Variants in UBXN4 observed in about 807,000 individuals in gnomAD.
UBXN4 encodes the protein UBX domain-containing protein 4.
A neutral mutation model predicts 66.2 loss-of-function variants in UBXN4; 35 were observed. The ratio of observed to expected loss-of-function variants is 0.53; its 90% CI spans 0.40 to 0.70. UBXN4 has a LOEUF of 0.70. UBXN4 is among the 30% of genes least tolerant of loss of function. The probability of loss-of-function intolerance (pLI) is 0.00; values close to 1 mark genes in which losing one functional copy is unlikely to be tolerated. For missense variants in UBXN4, 533 were observed against 599.8 expected (o/e 0.89, Z 1.16); for synonymous variants, 203 against 204.5 (o/e 0.99, Z 0.06).
chr2:135,779,902 AATAT>A (rs200943146), intron 11 of UBXN4, among the ~76,000 whole-genome samples: 23,357 of 146,118 alleles, frequency 0.16, 2,456 homozygotes, highest in South Asian at 0.29. Flanking sequence ...TATAAAATAT[AATAT>A]ATATAATATA....
chr2:135,760,372 A>G lies in UBXN4; in HGVS notation c.509-1446A>G, dbSNP rs1311301426. Among the ~76,000 whole-genome samples the G allele has an allele frequency of 5.3e-5, 8 of 152,232 alleles. No homozygotes were observed. In the East Asian group the frequency reaches 1.5e-3, roughly 29 times the overall value. On this transcript the variant is annotated intron_variant, in intron 5 of 12. Coordinates refer to ENST00000272638, the MANE Select transcript of UBXN4 (RefSeq NM_014607.4). Reference sequence around the variant, plus strand: ...CTTGATCCCAGGAGGCGGAGGTTGCAGTGAGCCAAGATCATGCCACTGCTC... The same window carrying G: ...CTTGATCCCAGGAGGCGGAGGTTGCGGTGAGCCAAGATCATGCCACTGCTC...
chr2:135,746,446 G>T (rs2077207798), intron 1 of UBXN4, among the ~76,000 whole-genome samples: 1 of 152,170 alleles, frequency 6.6e-6, no homozygotes, highest in African/African-American at 2.4e-5. Context: ...AATTAAAAAT[G>T]CATAGTATAT....
At position 135,769,813 on chromosome 2, in the gene UBXN4, A is replaced by G; in HGVS notation, c.647A>G (p.Glu216Gly). The change falls in exon 7 of 13, where the codon GAG becomes GGG. Residue 216 changes from glutamate (E) to glycine (G), a missense_variant. Transcript: ENST00000272638. ...GAAAGGAGAGAAGAGAAAAGAAAAG[A>G]GGAAGAACAGGTAAAGTTCATGCAG... ...LEERREEKRKEEEQREIKKEI... is the reference protein window; with the variant it reads ...LEERREEKRKGEEQREIKKEI... 1 of 1,599,196 alleles carries G rather than the reference A, an allele frequency of 6.3e-7. No individual in the cohort carries two copies. Among genetic ancestry groups the G allele is most frequent in the Non-Finnish European group, 8.5e-7 (1 of 1,174,968 alleles).
At chr2:135,774,320 T>C (rs2077399771) in intron 9 of UBXN4, among the ~76,000 whole-genome samples, 1 of 152,130 alleles carries the variant, frequency 6.6e-6, no homozygotes, top group Admixed American at 6.6e-5. Context: ...AATAATGAAT[T>C]TGGACCTTTA....
chr2:135,757,763 GT>G (rs999381921), intron 5 of UBXN4, among the ~76,000 whole-genome samples: 3 of 150,188 alleles, frequency 2.0e-5, no homozygotes, highest in South Asian at 2.1e-4. Flanking sequence ...TCTAATCTCA[GT>G]TTTTTTTTAG....
rs1253545818 is a variant in UBXN4 at position 135,755,568 on chromosome 2, A to G, written c.385A>G (p.Ser129Gly). 1 of 1,605,034 alleles carries G rather than the reference A, an allele frequency of 6.2e-7. No homozygotes were observed. The highest frequency in any genetic ancestry group is 8.5e-7 in the Non-Finnish European group (1 of 1,175,458). Residue 129 changes from serine (S) to glycine (G), a missense_variant, in exon 5 of 13, where the codon AGT becomes GGT. Ser to Gly is a moderately conservative substitution (Grantham distance 56). This residue lies in a region of UBXN4 where 529 missense variants were observed against 580.1 expected (regional missense o/e 0.91). Transcript: ENST00000272638. Reference sequence around the variant, plus strand: ...AGTAGCAAATGGCAGTCAGTCAGAAAGTTCAGTGTCTACTCCATCTGCGTC... The same window carrying G: ...AGTAGCAAATGGCAGTCAGTCAGAAGGTTCAGTGTCTACTCCATCTGCGTC... Reference protein sequence around the residue: ...TSVANGSQSESSVSTPSASFE... With the variant: ...TSVANGSQSEGSVSTPSASFE...
intron 10 of UBXN4, among the ~76,000 whole-genome samples, chr2:135,776,600 T>A (rs552964791): frequency 6.6e-6 from 1 of 152,286 alleles, no homozygotes; most frequent in African/African-American, 2.4e-5. Context: ...CTTTTCTTTT[T>A]TAAAATTTTT....
intron 10 of UBXN4, among the ~76,000 whole-genome samples, chr2:135,778,720 G>T (rs1296692987): frequency 6.6e-6 from 1 of 152,138 alleles, no homozygotes; most frequent in Admixed American, 6.6e-5. Flanking sequence ...ACTATATTTT[G>T]CTATTTTGTG....
chr2:135,745,467 A>G (rs551296329), intron 1 of UBXN4, among the ~76,000 whole-genome samples: 3 of 152,272 alleles, frequency 2.0e-5, no homozygotes, highest in Admixed American at 1.3e-4. Flanking sequence ...TATAGTGTCT[A>G]TTTGTTTAAA....
rs2077319007 is a variant in UBXN4, at chr2:135,761,968, AT to A, written c.602+60del. 3 of 1,498,824 alleles carry A rather than the reference AT, an allele frequency of 2.0e-6. No individual in the cohort carries two copies. In the East Asian group the frequency reaches 6.9e-5, roughly 34 times the overall value. 92.8% of individuals were successfully genotyped at this position (1,498,824 alleles called of 1,614,324 possible). A position where few individuals can be genotyped will look rare whatever the true frequency, so the allele number is the denominator to read the frequency against. Reference sequence around the variant, plus strand: ...TTTAAAAAGACAGTGGTTTTCAGTTATTTCATTAATTTGAATTAAAGCTAAA... The same window carrying A: ...TTTAAAAAGACAGTGGTTTTCAGTTATTCATTAATTTGAATTAAAGCTAAA... On this transcript the variant is annotated intron_variant, in intron 6 of 12. Transcript: ENST00000272638.
In UBXN4 at chr2:135,761,918, T is replaced by G. The variant is rs1444454528; in HGVS notation, c.602+7T>G. On this transcript the variant is annotated splice_region_variant and intron_variant, in intron 6 of 12. Transcript: ENST00000272638. Reference sequence around the variant, plus strand: ...TCAACATCCGAGTGGAAAGGTTTGCTCTTCTTTTTGCAAATAGCATTTTGT... The same window carrying G: ...TCAACATCCGAGTGGAAAGGTTTGCGCTTCTTTTTGCAAATAGCATTTTGT... 1 of 1,605,142 alleles carries G rather than the reference T, an allele frequency of 6.2e-7. No homozygotes were observed. The highest frequency in any genetic ancestry group is 8.5e-7 in the Non-Finnish European group (1 of 1,177,894).
At chr2:135,760,392 C>G (rs538342779) in intron 5 of UBXN4, among the ~76,000 whole-genome samples, 1 of 152,174 alleles carries the variant, frequency 6.6e-6, no homozygotes, top group South Asian at 2.1e-4. Context: ...GATCATGCCA[C>G]TGCTCTCCAG....
intron 1 of UBXN4, among the ~76,000 whole-genome samples, chr2:135,744,359 G>A (rs1463051998): frequency 1.3e-5 from 2 of 151,710 alleles, no homozygotes; most frequent in Admixed American, 6.6e-5. Context: ...TAGAGTTGAT[G>A]TTAGGAGACG....
chr2:135,771,645 T>G (rs982112023), intron 8 of UBXN4, among the ~76,000 whole-genome samples: 1 of 152,154 alleles, frequency 6.6e-6, no homozygotes, highest in Admixed American at 6.5e-5. Context: ...TCACTGCAAC[T>G]TCCACCTCCC....
rs370289723 is a variant in UBXN4 at position 135,779,097 on chromosome 2, C to T, written c.1185+18C>T. 43 of 1,555,066 alleles carry T rather than the reference C, an allele frequency of 2.8e-5. No individual in the cohort carries two copies. In the African/African-American group the frequency reaches 4.3e-4, roughly 15 times the overall value. On this transcript the variant is annotated intron_variant, in intron 11 of 12. Coordinates refer to ENST00000272638, the MANE Select transcript of UBXN4 (RefSeq NM_014607.4). ...TGTTGCCAGTATGTATATACAGATG[C>T]ATTTTTTTCTCTTCTTATTGTTTTC... is the stretch of plus-strand genomic sequence containing the variant.
chr2:135,769,621 C>G (rs1399550994), intron 6 of UBXN4, 148 bp from the exon 7 acceptor site: 3 of 537,670 alleles, frequency 5.6e-6, no homozygotes, highest in East Asian at 7.2e-5. Flanking sequence ...CTGTAGGGGC[C>G]TGAAGCCAGG....
intron 9 of UBXN4, among the ~76,000 whole-genome samples, chr2:135,774,446 A>C (rs1445212037): frequency 6.6e-6 from 1 of 152,190 alleles, no homozygotes; most frequent in African/African-American, 2.4e-5. Context: ...GGAGTAGCCA[A>C]TGGATTGTTA....
At chr2:135,763,290 C>G (rs183389951) in intron 6 of UBXN4, among the ~76,000 whole-genome samples, 4 of 152,250 alleles carry the variant, frequency 2.6e-5, no homozygotes, top group African/African-American at 9.6e-5. Context: ...CTCTTGTGCC[C>G]TCAACTAACT....
At chr2:135,776,617 A>G (rs1189107749) in intron 10 of UBXN4, among the ~76,000 whole-genome samples, 3 of 152,078 alleles carry the variant, frequency 2.0e-5, no homozygotes, top group Admixed American at 1.3e-4. Flanking sequence ...TTTTTGAGAC[A>G]GGATCTCACT....
Sources: gnomAD v4.1 joint callset for allele counts (sites outside exome capture counted in the v4.1 genomes callset) on GRCh38, gnomAD v4.1.1 for gene constraint, gnomAD v4.1.1 regional missense constraint, MANE v1.5 for transcripts, NCBI Gene and HGNC (gene_info 2026-07-23, HGNC 2026-07-21) for gene names.